The following LRRC42 variants were observed in gnomAD, a reference collection of about 807,000 sequenced individuals.
LRRC42 encodes the protein leucine rich repeat containing 42, also known as leucine-rich repeat-containing protein 42.
Under a neutral mutation model 44.3 loss-of-function variants are expected in LRRC42, and 43 were observed. The observed-to-expected ratio is 0.97, with a 90% confidence interval of 0.76 to 1.25. The LOEUF is 1.25. Among genes scored for constraint, LRRC42 ranks in the 50% most tolerant of loss-of-function variants. LRRC42 has a pLI of 0.00. For synonymous variants in LRRC42, 207 were observed against 195.2 expected (o/e 1.06, Z -0.50); for missense variants, 540 against 509.1 (o/e 1.06, Z -0.58).
chr1:53,958,626 A>G (rs1018807903), intron 4 of LRRC42, among the ~76,000 whole-genome samples: 1 of 152,098 alleles, frequency 6.6e-6, no homozygotes, highest in Non-Finnish European at 1.5e-5. Flanking sequence ...CGTTTTTGCC[A>G]CCCAGGCTGG....
chr1:53,966,248 A>T, intron 7 of LRRC42, 48 bp from the exon 8 acceptor site: 2 of 1,439,074 alleles, frequency 1.4e-6, no homozygotes, highest in Non-Finnish European at 2.0e-6. Flanking sequence ...CTTGAGATTA[A>T]AATCTCAATA....
intron 2 of LRRC42, among the ~76,000 whole-genome samples, chr1:53,950,730 G>A (rs915455822): frequency 1.2e-4 from 18 of 152,066 alleles, no homozygotes; most frequent in African/African-American, 4.1e-4. Context: ...AAATCTCATG[G>A]TTACTCAGGA....
chr1:53,952,631 C>G (rs568050137), intron 3 of LRRC42, among the ~76,000 whole-genome samples, 159 bp downstream of exon 3: 1 of 152,210 alleles, frequency 6.6e-6, no homozygotes, highest in African/African-American at 2.4e-5. Context: ...AATCACTCTT[C>G]CTTCTCCTCA....
chr1:53,968,090 A>ATGGAAGTATGGGAGGGGAATGCTG lies in LRRC42; in HGVS notation c.*161_*162insGGAGGGGAATGCTGTGGAAGTATG. 1.4e-6 allele frequency: 1 copy of ATGGAAGTATGGGAGGGGAATGCTG among 720,014 alleles called. No homozygotes were observed. The highest frequency in any genetic ancestry group is 2.3e-6 in the Non-Finnish European group (1 of 438,034). 44.6% of individuals were successfully genotyped at this position (720,014 alleles called of 1,614,324 possible). A position where few individuals can be genotyped will look rare whatever the true frequency, so the allele number is the denominator to read the frequency against. ...TTTTGTGGTGTGGGAGGGGAATGCT[A>ATGGAAGTATGGGAGGGGAATGCTG]TGGAAGTATGTAATAATTTCTAATG... On this transcript the variant is annotated 3_prime_UTR_variant, in exon 9 of 9. Transcript: ENST00000371370.
At chr1:53,954,911 C>T (rs1041380716) in intron 3 of LRRC42, among the ~76,000 whole-genome samples, 1 of 152,174 alleles carries the variant, frequency 6.6e-6, no homozygotes, top group East Asian at 1.9e-4. Flanking sequence ...AGAATCTATT[C>T]TGATCCCTAA....
At chr1:53,947,072 G>T (rs930728728) in intron 1 of LRRC42, among the ~76,000 whole-genome samples, 1 of 150,932 alleles carries the variant, frequency 6.6e-6, no homozygotes, top group African/African-American at 2.4e-5. Flanking sequence ...CCTAGAGTGG[G>T]AAGAAGGGAA....
chr1:53,967,815 CAAA>C lies in LRRC42; in HGVS notation c.1164_1166del (p.Lys390del). On this transcript the variant is annotated inframe_deletion, in exon 9 of 9. Coordinates refer to ENST00000371370, the MANE Select transcript of LRRC42 (RefSeq NM_001256409.2). ...CACGAAGCTATCTCAAGCCAGGAGT[CAAA>C]GAAGAGCAAGAAGAGACCTTTTGAG... 1 of 1,614,128 alleles carries C rather than the reference CAAA, an allele frequency of 6.2e-7. No individual in the cohort carries two copies. Among genetic ancestry groups the C allele is most frequent in the Non-Finnish European group, 8.5e-7 (1 of 1,180,022 alleles).
rs1175316139 is a variant in LRRC42, at chr1:53,958,294, A to T, written c.605+14A>T. ...AGCCCTGTCTAGGTACTGACCTGTCACCACTTGCAGATGAATTGTTTCAGT... is the reference window on the plus strand; with the variant it reads ...AGCCCTGTCTAGGTACTGACCTGTCTCCACTTGCAGATGAATTGTTTCAGT... On this transcript the variant is annotated intron_variant, in intron 4 of 8. Transcript: ENST00000371370. 3 of 1,612,672 alleles carry T rather than the reference A, an allele frequency of 1.9e-6. No individual in the cohort carries two copies. Among genetic ancestry groups the T allele is most frequent in the Non-Finnish European group, 2.5e-6 (3 of 1,179,002 alleles).
chr1:53,946,512 C>G lies in LRRC42; in HGVS notation c.-86C>G, dbSNP rs890415662. ...GGCCGCGGGAGGAGGGAGCCGTCAC[C>G]GAGGAGCTGCCGCTCGCTGCCCCGG... On this transcript the variant is annotated 5_prime_UTR_variant, in exon 1 of 9. Transcript: ENST00000371370. 2 of 152,070 alleles carry G rather than the reference C, an allele frequency of 1.3e-5. No homozygotes were observed. The highest frequency in any genetic ancestry group is 4.8e-5 in the African/African-American group (2 of 41,378). 9.4% of individuals were successfully genotyped at this position (152,070 alleles called of 1,614,324 possible). A position where few individuals can be genotyped will look rare whatever the true frequency, so the allele number is the denominator to read the frequency against.
rs187878736 is a variant in LRRC42 at position 53,953,397 on chromosome 1, C to A, written c.473+925C>A. ...TTTTTGAGACAGAGTCTTGCTCTGT[C>A]GCCAGGCTGGAGTGGCAGTGGCACG... On this transcript the variant is annotated intron_variant, in intron 3 of 8. Coordinates refer to ENST00000371370, the MANE Select transcript of LRRC42 (RefSeq NM_001256409.2). Among the ~76,000 whole-genome samples the A allele has an allele frequency of 3.5e-4, 54 of 152,172 alleles. No homozygotes were observed. The East Asian group carries it at 8.5e-3, about 24-fold the overall frequency.
At position 53,952,473 on chromosome 1, in the gene LRRC42, G is replaced by T. The variant is rs201776082; in HGVS notation, c.473+1G>T. 194 of 1,588,314 alleles carry T rather than the reference G, an allele frequency of 1.2e-4. No individual in the cohort carries two copies. Among genetic ancestry groups the T allele is most frequent in the Non-Finnish European group, 2.4e-5 (28 of 1,163,186 alleles). On this transcript the variant is annotated splice_donor_variant, in intron 3 of 8. Coordinates refer to ENST00000371370, the MANE Select transcript of LRRC42 (RefSeq NM_001256409.2). LOFTEE classifies it high-confidence loss of function. The stretch of plus-strand genomic sequence containing the variant: ...TTTGCTCCCTGTGTTTGCGAAACAG[G>T]TGGGTGTTCTGATTAGATTATTCGG...
chr1:53,954,589 GATC>G (rs1395743687), intron 3 of LRRC42, among the ~76,000 whole-genome samples: 2 of 152,142 alleles, frequency 1.3e-5, no homozygotes, highest in African/African-American at 4.8e-5. Flanking sequence ...CCACCATGAT[GATC>G]ATTTTCAAAT....
In LRRC42 at chr1:53,952,236, G is replaced by A. The variant is rs143419007; in HGVS notation, c.237G>A (p.Glu79=). ...ATTTCATCTTCACATACACCCGAGA[G>A]GGGAATCTTCGGTACTCCGCCAAAT... is the stretch of plus-strand genomic sequence containing the variant. ...TDHFIFTYTR[E]GNLRYSAKSL... The change falls in exon 3 of 9, where the codon GAG becomes GAA. Residue 79 remains glutamate (E), a synonymous_variant. Transcript: ENST00000371370. The A allele has an allele frequency of 1.4e-4, 225 of 1,614,250 alleles. No homozygotes were observed. In the African/African-American group the frequency reaches 2.8e-3, roughly 20 times the overall value.
chr1:53,963,953 C>CA (rs970180474), intron 7 of LRRC42, among the ~76,000 whole-genome samples: 1 of 120,240 alleles, frequency 8.3e-6, no homozygotes, highest in East Asian at 3.0e-4. Context: ...GCCCACCCCC[C>CA]CCCCATCTTC....
At chr1:53,956,012 A>T (rs979295646) in intron 3 of LRRC42, among the ~76,000 whole-genome samples, 5 of 152,244 alleles carry the variant, frequency 3.3e-5, no homozygotes, top group African/African-American at 1.2e-4. Flanking sequence ...GTTGTTATCA[A>T]AAACCTCTCT....
Position 53,962,338 on chromosome 1 carries a change from C to T in LRRC42, c.856C>T (p.Leu286Phe), listed in dbSNP as rs753460900. ...GCACAAGCTCCAGACCCACATAGGC[C>T]TTGTTCACTCCAAAGTGCCTTTGAA... ...VKHKLQTHIGLVHSKVPLKEF... is the reference protein window; with the variant it reads ...VKHKLQTHIGFVHSKVPLKEF... The change falls in exon 7 of 9, where the codon CTT becomes TTT. Residue 286 changes from leucine (L) to phenylalanine (F), a missense_variant. Coordinates refer to ENST00000371370, the MANE Select transcript of LRRC42 (RefSeq NM_001256409.2). 1.7e-5 allele frequency: 28 copies of T among 1,614,214 alleles called. No homozygotes were observed. The highest frequency in any genetic ancestry group is 2.4e-5 in the Non-Finnish European group (28 of 1,180,004).
intron 3 of LRRC42, among the ~76,000 whole-genome samples, chr1:53,956,788 C>G (rs1274048096): frequency 6.6e-6 from 1 of 152,166 alleles, no homozygotes; most frequent in African/African-American, 2.4e-5. Flanking sequence ...GCAGAGAACC[C>G]TTGTTTCAGA....
intron 3 of LRRC42, among the ~76,000 whole-genome samples, chr1:53,955,724 G>A (rs2100922464): frequency 6.6e-6 from 1 of 151,380 alleles, no homozygotes; most frequent in Admixed American, 6.6e-5. Flanking sequence ...CACCTCCCGG[G>A]TTCACGCAAT....
intron 3 of LRRC42, among the ~76,000 whole-genome samples, chr1:53,953,109 A>G (rs1263938986): frequency 6.6e-6 from 1 of 152,256 alleles, no homozygotes; most frequent in African/African-American, 2.4e-5. Context: ...ATGGCAAACA[A>G]TTTAAACACA....
Sources: gnomAD v4.1 joint callset for allele counts (sites outside exome capture counted in the v4.1 genomes callset) on GRCh38, gnomAD v4.1.1 for gene constraint, MANE v1.5 for transcripts, NCBI Gene and HGNC (gene_info 2026-07-23, HGNC 2026-07-21) for gene names.